CFAP92: variants seen among roughly 807,000 people sequenced by gnomAD.
CFAP92 encodes the protein cilia and flagella associated protein 92 (putative).
Under a neutral mutation model 106.3 loss-of-function variants are expected in CFAP92, and 86 were observed. The ratio of observed to expected loss-of-function variants is 0.81; its 90% CI spans 0.68 to 0.97. CFAP92 has a LOEUF of 0.97. Among genes scored for constraint, CFAP92 ranks in the 50% least tolerant of loss-of-function variants. The pLI is 0.00. For synonymous variants in CFAP92, 477 were observed against 506.4 expected (o/e 0.94, Z 0.78); for missense variants, 1,204 against 1,283.8 (o/e 0.94, Z 0.95).
chr3:129,001,285 G>A (rs1202193429), intron 1 of CFAP92, among the ~76,000 whole-genome samples: 1 of 152,228 alleles, frequency 6.6e-6, no homozygotes, highest in Non-Finnish European at 1.5e-5. Flanking sequence ...TGGACGGCCG[G>A]GAGTGGGAGG....
intron 4 of CFAP92, among the ~76,000 whole-genome samples, chr3:128,985,711 G>A (rs1203761098): frequency 2.0e-5 from 3 of 152,162 alleles, no homozygotes; most frequent in Non-Finnish European, 2.9e-5. Context: ...TCTGATGCAG[G>A]TGGTCCACAA....
At chr3:129,024,149 G>A in the CFAP92 span, among the ~76,000 whole-genome samples, 3 of 152,174 alleles carry the variant, frequency 2.0e-5, no homozygotes, top group African/African-American at 7.2e-5. Context: ...CACACCACAC[G>A]AGGGCTCTAG....
At position 128,932,883 on chromosome 3, in the gene CFAP92, C is replaced by T. The variant is rs1374009264; in HGVS notation, c.2568G>A (p.Ser856=). ...GTTTCTCATCTGTGAGTTCTTCTTG[C>T]GAAAGGGGCATCCCAAACTCTTGGC... ...DLSQEFGMPL[S]QEELTDEKLF... The change falls in exon 12 of 16, where the codon TCG becomes TCA. Residue 856 remains serine (S), a synonymous_variant. Transcript: ENST00000645291. The T allele has an allele frequency of 5.9e-6, 9 of 1,536,016 alleles. No individual in the cohort carries two copies. The highest frequency in any genetic ancestry group is 2.4e-5 in the East Asian group (1 of 40,924).
chr3:128,924,414 C>T (rs1367765061), intron 12 of CFAP92, among the ~76,000 whole-genome samples: 1 of 146,426 alleles, frequency 6.8e-6, no homozygotes, highest in Non-Finnish European at 1.5e-5. Flanking sequence ...CACTCCCAGG[C>T]TCATAGAACG....
At chr3:128,940,342 G>A (rs1365583143) in intron 10 of CFAP92, among the ~76,000 whole-genome samples, 1 of 152,204 alleles carries the variant, frequency 6.6e-6, no homozygotes, top group Admixed American at 6.5e-5. Context: ...CTTGGGCACA[G>A]ATCTAGGAGT....
chr3:129,003,803 TG>T, upstream of CFAP92: 1 of 1,457,800 alleles, frequency 6.9e-7, no homozygotes, highest in Admixed American at 2.5e-5. Context: ...GGTCGGACTC[TG>T]GAAGAGCCAG....
Position 128,915,399 on chromosome 3 carries a change from G to A in CFAP92, c.3081C>T (p.Ser1027=). ...TGGGTGGCAGCTTGAGATCCTGAAA[G>A]CTGCTTTCGGTGTCGCTCTGAAGAC... ...VTGLQSDTES[S]FQDLKLPPIK... The change falls in exon 14 of 16, where the codon AGC becomes AGT. Residue 1027 remains serine, a synonymous_variant. Coordinates refer to ENST00000645291, the MANE Select transcript of CFAP92 (RefSeq NM_001394090.1). 1 of 1,536,162 alleles carries A rather than the reference G, an allele frequency of 6.5e-7. No individual in the cohort carries two copies. Among genetic ancestry groups the A allele is most frequent in the Non-Finnish European group, 8.7e-7 (1 of 1,146,930 alleles).
chr3:129,017,446 C>T, the CFAP92 span, among the ~76,000 whole-genome samples: 1 of 152,240 alleles, frequency 6.6e-6, no homozygotes, highest in South Asian at 2.1e-4. Context: ...TCTGCACAAG[C>T]TCGCACAAGG....
Position 128,988,801 on chromosome 3 carries a change from TC to T in CFAP92, c.379del (p.Asp127MetfsTer24). On this transcript the variant is annotated frameshift_variant, in exon 3 of 16. Coordinates refer to ENST00000645291, the MANE Select transcript of CFAP92 (RefSeq NM_001394090.1). LOFTEE classifies it high-confidence loss of function. Reference protein sequence around the residue: ...YHIEYFLLPDDEEPKKVDILL... With the variant: ...YHIEYFLLPDXEEPKKVDILL... ...TATGTCAACTTTTTTAGGTTCTTCATCGTCCGGCAGAAGGAAATACTCAATG... is the reference window on the plus strand; with the variant it reads ...TATGTCAACTTTTTTAGGTTCTTCATGTCCGGCAGAAGGAAATACTCAATG... The T allele has an allele frequency of 6.2e-7, 1 of 1,613,738 alleles. No individual in the cohort carries two copies. The highest frequency in any genetic ancestry group is 8.5e-7 in the Non-Finnish European group (1 of 1,179,892).
At chr3:128,928,887 T>C (rs575757264) in intron 12 of CFAP92, among the ~76,000 whole-genome samples, 10 of 152,214 alleles carry the variant, frequency 6.6e-5, no homozygotes, top group Non-Finnish European at 1.5e-4. Context: ...TTGCAAATCA[T>C]ATTTCTCATT....
In CFAP92 at chr3:128,935,224, T is replaced by C; in HGVS notation, c.2354A>G (p.Tyr785Cys). The change falls in exon 11 of 16, where the codon TAC becomes TGC. Residue 785 changes from tyrosine to cysteine, a missense_variant. Physicochemically the swap from Tyr to Cys is radical, Grantham distance 194 (BLOSUM62 -2). Coordinates refer to ENST00000645291, the MANE Select transcript of CFAP92 (RefSeq NM_001394090.1). ...RLYGDLEAIL[Y>C]HVHLFQPTEL... is the part of the protein sequence containing the mutation. ...CGTGGGCTGGAAGAGGTGCACGTGGTACAGGATGGCCTCCAGGTCCCCATA... is the reference window on the plus strand; with the variant it reads ...CGTGGGCTGGAAGAGGTGCACGTGGCACAGGATGGCCTCCAGGTCCCCATA... 1.3e-6 allele frequency: 2 copies of C among 1,536,042 alleles called. No homozygotes were observed. The highest frequency in any genetic ancestry group is 2.4e-5 in the East Asian group (1 of 40,916).
chr3:129,002,745 C>T (rs973564209), upstream of CFAP92: 3 of 184,166 alleles, frequency 1.6e-5, no homozygotes, highest in Middle Eastern at 2.2e-3. Flanking sequence ...CCTGTCCTCA[C>T]CTTTAGGGAT....
chr3:129,003,767 C>G (rs942597923), upstream of CFAP92: 2 of 1,393,090 alleles, frequency 1.4e-6, no homozygotes, highest in South Asian at 1.5e-5. Flanking sequence ...GCACTTACCC[C>G]CTGCCCCTGC....
Position 128,993,043 on chromosome 3 carries a change from C to T in CFAP92, c.262G>A (p.Gly88Ser), listed in dbSNP as rs770711094. 3 of 1,614,034 alleles carry T rather than the reference C, an allele frequency of 1.9e-6. No homozygotes were observed. The highest frequency in any genetic ancestry group is 2.5e-6 in the Non-Finnish European group (3 of 1,179,884). Residue 88 changes from glycine (G) to serine (S), a missense_variant and splice_region_variant, in exon 2 of 16, where the codon GGT (glycine) becomes AGT (serine). Transcript: ENST00000645291. ...GTTAAACTTCTGCTCTAGCACCTAC[C>T]CATATTCACAGGGAAGGCCAGTGAG... The part of the protein sequence containing the change: ...TISLAFPVNM[G>S]QKGKYASLIE...
chr3:128,990,245 C>T (rs1442118703), intron 2 of CFAP92, among the ~76,000 whole-genome samples: 1 of 152,194 alleles, frequency 6.6e-6, no homozygotes, highest in Non-Finnish European at 1.5e-5. Flanking sequence ...GCCTGTAATC[C>T]TAGCACTTTG....
At chr3:129,012,516 G>A in the CFAP92 span, among the ~76,000 whole-genome samples, 1 of 152,246 alleles carries the variant, frequency 6.6e-6, no homozygotes, top group East Asian at 1.9e-4. Context: ...CAAATTCTGT[G>A]ACCCAACATT....
chr3:128,969,686 G>C (rs1942638663), intron 8 of CFAP92: 1 of 152,146 alleles, frequency 6.6e-6, no homozygotes, highest in Non-Finnish European at 1.5e-5. Flanking sequence ...AAAATCCAAA[G>C]CGGGGCAGGT....
rs565783556 is a variant in CFAP92 at position 128,980,029 on chromosome 3, G to A, written c.668-1844C>T. ...GAAGGAAGAAAGGAAGAAAAGGAGC[G>A]AGGGAAGAGAGAAAGGAAGAAAAAG... On this transcript the variant is annotated intron_variant, in intron 4 of 15. Transcript: ENST00000645291. 6.8e-4 allele frequency among the ~76,000 whole-genome samples: 102 copies of A among 149,140 alleles called. 2 individuals are homozygous for A. The highest frequency in any genetic ancestry group is 4.4e-3 in the South Asian group (21 of 4,736).
intron 3 of CFAP92, among the ~76,000 whole-genome samples, chr3:128,988,444 G>A (rs1249147127): frequency 1.3e-5 from 2 of 152,120 alleles, no homozygotes; most frequent in Non-Finnish European, 2.9e-5. Flanking sequence ...AGGTGGCTGA[G>A]GCATGAGAAT....
Sources: gnomAD v4.1 joint callset for allele counts (sites outside exome capture counted in the v4.1 genomes callset) on GRCh38, gnomAD v4.1.1 for gene constraint, MANE v1.5 for transcripts, NCBI Gene and HGNC (gene_info 2026-07-23, HGNC 2026-07-21) for gene names.